The following MAPK10 variants were observed in gnomAD, a reference collection of about 807,000 sequenced individuals.
MAPK10 encodes mitogen-activated protein kinase 10.
In MAPK10, 25 loss-of-function variants were observed where a neutral mutation model predicts 59.3. The observed-to-expected ratio is 0.42, with a 90% CI of 0.31 to 0.59. MAPK10 has a LOEUF of 0.59. Ranked by LOEUF, MAPK10 falls within the 20% of genes least tolerant of loss-of-function variation. The probability of loss-of-function intolerance (pLI) is 0.15; values close to 1 mark genes in which losing one functional copy is unlikely to be tolerated. For missense variants in MAPK10, 351 were observed against 568.9 expected (o/e 0.62, Z 3.90); for synonymous variants, 190 against 200.5 (o/e 0.95, Z 0.44).
chr4:86,555,663 T>C (rs1490181308), intron 1 of MAPK10, among the ~76,000 whole-genome samples: 1 of 152,240 alleles, frequency 6.6e-6, no homozygotes, highest in African/African-American at 2.4e-5. Context: ...TTTTATTATT[T>C]GAATCTTTCT....
intron 2 of MAPK10, among the ~76,000 whole-genome samples, chr4:86,273,838 T>G (rs1287155953): frequency 6.6e-6 from 1 of 152,034 alleles, no homozygotes; most frequent in Non-Finnish European, 1.5e-5. Context: ...ATTAGAAAAC[T>G]TTAGCATTCT....
intron 1 of MAPK10, among the ~76,000 whole-genome samples, chr4:86,439,001 C>T (rs1172860802): frequency 1.3e-5 from 2 of 152,076 alleles, no homozygotes; most frequent in African/African-American, 2.4e-5. Flanking sequence ...GACTGTGGTT[C>T]GATGGCTGCA....
At chr4:86,592,185 C>T (rs1304715037) in intron 1 of MAPK10, among the ~76,000 whole-genome samples, 2 of 151,824 alleles carry the variant, frequency 1.3e-5, no homozygotes, top group Non-Finnish European at 2.9e-5. Flanking sequence ...TGCTGGGTTC[C>T]ATTTGTTAGT....
At chr4:86,292,317 TA>T (rs1329020457) in intron 2 of MAPK10, among the ~76,000 whole-genome samples, 1 of 152,180 alleles carries the variant, frequency 6.6e-6, no homozygotes, top group Non-Finnish European at 1.5e-5. Flanking sequence ...CACAAATTCT[TA>T]AGATGATGAA....
intron 2 of MAPK10, among the ~76,000 whole-genome samples, chr4:86,207,661 G>C (rs1025999513): frequency 6.6e-6 from 1 of 152,060 alleles, no homozygotes; most frequent in African/African-American, 2.4e-5. Flanking sequence ...TCACGATATT[G>C]ATTCTTCCTA....
chr4:86,267,644 A>G (rs2094297711), intron 2 of MAPK10, among the ~76,000 whole-genome samples: 2 of 152,098 alleles, frequency 1.3e-5, no homozygotes, highest in South Asian at 2.1e-4. Flanking sequence ...AGTTCCTCCA[A>G]TAAGTCAAAC....
chr4:86,066,881 G>A (rs2046856756), intron 10 of MAPK10, among the ~76,000 whole-genome samples: 1 of 151,844 alleles, frequency 6.6e-6, no homozygotes, highest in Non-Finnish European at 1.5e-5. Context: ...AACAATATGG[G>A]AAAATGTTTC....
intron 9 of MAPK10, among the ~76,000 whole-genome samples, chr4:86,072,510 T>C (rs2048266471): frequency 8.4e-6 from 1 of 119,440 alleles, no homozygotes; most frequent in South Asian, 2.9e-4. Context: ...GCCCATTCAG[T>C]ATGATATTGG....
intron 1 of MAPK10, among the ~76,000 whole-genome samples, chr4:86,464,108 T>C (rs1751986614): frequency 6.6e-6 from 1 of 152,204 alleles, no homozygotes; most frequent in African/African-American, 2.4e-5. Context: ...AAGGCACAAA[T>C]ACAGCAAGCT....
At chr4:86,327,783 T>TAAAAAAAAAA (rs2096060888) in intron 2 of MAPK10, 2 of 9,278 alleles carry the variant, frequency 2.2e-4, no homozygotes, top group Non-Finnish European at 5.3e-4. Context: ...CTACTAAAAA[T>TAAAAAAAAAA]ACAAAAAAAA....
At chr4:86,438,104 TAGAG>T (rs1265664303) in intron 1 of MAPK10, among the ~76,000 whole-genome samples, 1 of 152,166 alleles carries the variant, frequency 6.6e-6, no homozygotes, top group African/African-American at 2.4e-5. Context: ...TAGTCACTGA[TAGAG>T]GGCATAAATG....
chr4:86,552,522 GA>G (rs1759926669), intron 1 of MAPK10, among the ~76,000 whole-genome samples: 1 of 136,602 alleles, frequency 7.3e-6, no homozygotes, highest in Non-Finnish European at 1.6e-5. Context: ...AGGAAGGAAG[GA>G]AGGAAGGAAG....
chr4:86,202,326 T>C (rs563769734), intron 2 of MAPK10, among the ~76,000 whole-genome samples: 1 of 152,014 alleles, frequency 6.6e-6, no homozygotes, highest in East Asian at 1.9e-4. Flanking sequence ...ACTTTGTTCA[T>C]TACTTTTGTT....
intron 4 of MAPK10, chr4:86,151,961 A>G (rs2066584235): frequency 6.6e-6 from 1 of 152,136 alleles, no homozygotes; most frequent in Non-Finnish European, 1.5e-5. Flanking sequence ...TTCAAATCTA[A>G]AGTTCATTTA....
intron 2 of MAPK10, among the ~76,000 whole-genome samples, chr4:86,286,792 A>C (rs951267953): frequency 6.6e-6 from 1 of 152,096 alleles, no homozygotes; most frequent in African/African-American, 2.4e-5. Context: ...GAACACATCC[A>C]TCTCCCCACC....
In MAPK10 at chr4:86,016,873, GTCA is replaced by G; in HGVS notation, c.*352_*354del. The G allele has an allele frequency of 4.3e-6, 1 of 233,594 alleles. No individual in the cohort carries two copies. The highest frequency in any genetic ancestry group is 1.1e-4 in the East Asian group (1 of 8,782). 14.5% of individuals were successfully genotyped at this position (233,594 alleles called of 1,614,324 possible). On this transcript the variant is annotated 3_prime_UTR_variant, in exon 14 of 14. Coordinates refer to ENST00000641462, the MANE Select transcript of MAPK10 (RefSeq NM_138982.4). ...GCTGGATGGGGCCACTGCACACCTTGTCATGCCATTTAAAAGGGCAGTTACAGG... is the reference window on the plus strand; with the variant it reads ...GCTGGATGGGGCCACTGCACACCTTGTGCCATTTAAAAGGGCAGTTACAGG...
chr4:86,029,795 T>G (rs1015457570), intron 12 of MAPK10, among the ~76,000 whole-genome samples: 4 of 151,952 alleles, frequency 2.6e-5, no homozygotes, highest in Non-Finnish European at 5.9e-5. Flanking sequence ...TCCTTACAAC[T>G]TCCATCTCTT....
intron 2 of MAPK10, among the ~76,000 whole-genome samples, chr4:86,212,930 A>G (rs1184513079): frequency 6.6e-6 from 1 of 152,180 alleles, no homozygotes; most frequent in East Asian, 1.9e-4. Flanking sequence ...ACAATATACA[A>G]TATTCTCAAG....
intron 1 of MAPK10, chr4:86,357,610 C>A (rs945121478): frequency 6.6e-6 from 1 of 151,990 alleles, no homozygotes; most frequent in African/African-American, 2.4e-5. Flanking sequence ...ACTATGAAAC[C>A]ATTAAATACT....
Sources: gnomAD v4.1 joint callset for allele counts (sites outside exome capture counted in the v4.1 genomes callset) on GRCh38, gnomAD v4.1.1 for gene constraint, MANE v1.5 for transcripts, NCBI Gene and HGNC (gene_info 2026-07-23, HGNC 2026-07-21) for gene names.